Variants in MGMT observed in about 807,000 individuals in gnomAD.
MGMT encodes the protein O-6-methylguanine-DNA methyltransferase.
MGMT carries 14 observed loss-of-function variants against 15.9 expected under a neutral mutation model. That is an observed-to-expected ratio of 0.88 (90% CI 0.58 to 1.37). The LOEUF is 1.37. MGMT is among the 40% of genes most tolerant of loss of function. The pLI is 0.00. For missense variants in MGMT, 282 were observed against 268.1 expected (o/e 1.05, Z -0.36); for synonymous variants, 130 against 118.2 (o/e 1.10, Z -0.65).
intron 4 of MGMT, among the ~76,000 whole-genome samples, chr10:129,761,731 G>T (rs1355765190): frequency 2.6e-5 from 4 of 152,186 alleles, no homozygotes. Context: ...TCAGGCAGGA[G>T]GGTTCTACAG....
chr10:129,605,411 G>A (rs369043685), intron 2 of MGMT, among the ~76,000 whole-genome samples: 4 of 151,870 alleles, frequency 2.6e-5, no homozygotes, highest in Non-Finnish European at 5.9e-5. Flanking sequence ...GTTTTCATGG[G>A]CCCCTGTCCC....
At chr10:129,724,461 G>A (rs557961288) in intron 3 of MGMT, among the ~76,000 whole-genome samples, 3 of 152,180 alleles carry the variant, frequency 2.0e-5, no homozygotes, top group Non-Finnish European at 4.4e-5. Flanking sequence ...TATCTTAACA[G>A]GTTAGGTCAC....
intron 2 of MGMT, among the ~76,000 whole-genome samples, chr10:129,559,203 G>A (rs1186584990): frequency 6.6e-6 from 1 of 152,162 alleles, no homozygotes; most frequent in African/African-American, 2.4e-5. Flanking sequence ...ATAATGTGAT[G>A]TATGGAGTCA....
At chr10:129,524,465 C>T (rs1174766279) in intron 1 of MGMT, among the ~76,000 whole-genome samples, 1 of 151,710 alleles carries the variant, frequency 6.6e-6, no homozygotes, top group African/African-American at 2.4e-5. Context: ...ACATTGATGT[C>T]ATGGAATCTC....
chr10:129,530,246 C>T (rs568048886), intron 1 of MGMT, among the ~76,000 whole-genome samples: 12 of 152,218 alleles, frequency 7.9e-5, no homozygotes, highest in African/African-American at 2.6e-4. Context: ...GAAAAGTTGA[C>T]TCGTACTAAC....
rs148927678 is a variant in MGMT, at chr10:129,557,450, A to G, written c.125+21073A>G. ...TTAGGCTCTTTAACATACTTTAATC[A>G]TTGTGTTGCTGCATATATTTCTTCT... On this transcript the variant is annotated intron_variant, in intron 2 of 4. Transcript: ENST00000651593. Among the ~76,000 whole-genome samples the G allele has an allele frequency of 1.3e-3, 191 of 152,256 alleles. 1 individual carries two copies. Among genetic ancestry groups the G allele is most frequent in the Non-Finnish European group, 2.2e-3 (150 of 68,008 alleles).
At chr10:129,551,698 T>A (rs1371872058) in intron 2 of MGMT, among the ~76,000 whole-genome samples, 1 of 152,134 alleles carries the variant, frequency 6.6e-6, no homozygotes, top group African/African-American at 2.4e-5. Context: ...ACTCTCTTAT[T>A]TATTTATTTA....
intron 2 of MGMT, among the ~76,000 whole-genome samples, chr10:129,588,587 C>T (rs983887058): frequency 1.3e-5 from 2 of 152,180 alleles, no homozygotes; most frequent in African/African-American, 4.8e-5. Flanking sequence ...GTGGCCAAGA[C>T]CCACTGTGTA....
At chr10:129,685,193 A>T (rs569401534) in intron 2 of MGMT, among the ~76,000 whole-genome samples, 1 of 152,358 alleles carries the variant, frequency 6.6e-6, no homozygotes, top group African/African-American at 2.4e-5. Flanking sequence ...CATATGTGTC[A>T]AATGTATGAA....
chr10:129,567,593 GA>G (rs932432319), intron 2 of MGMT, among the ~76,000 whole-genome samples: 8 of 151,738 alleles, frequency 5.3e-5, no homozygotes, highest in African/African-American at 1.5e-4. Context: ...TATTCAAGGG[GA>G]AAAAAAACCT....
intron 2 of MGMT, among the ~76,000 whole-genome samples, chr10:129,587,895 A>G (rs1248109179): frequency 6.6e-6 from 1 of 151,810 alleles, no homozygotes; most frequent in Non-Finnish European, 1.5e-5. Flanking sequence ...CTTTTCTTGT[A>G]ATTTTTGAAT....
intron 1 of MGMT, among the ~76,000 whole-genome samples, chr10:129,529,434 A>G (rs1252685868): frequency 6.6e-6 from 1 of 152,084 alleles, no homozygotes; most frequent in Non-Finnish European, 1.5e-5. Context: ...TGCACAGTTC[A>G]CAATAGGCTT....
chr10:129,651,095 T>C (rs1277248634), intron 2 of MGMT, among the ~76,000 whole-genome samples: 1 of 152,204 alleles, frequency 6.6e-6, no homozygotes, highest in African/African-American at 2.4e-5. Flanking sequence ...TGCTCCCACA[T>C]GCTGTCTGAT....
At chr10:129,553,053 T>C (rs974847303) in intron 2 of MGMT, among the ~76,000 whole-genome samples, 11 of 152,218 alleles carry the variant, frequency 7.2e-5, no homozygotes, top group African/African-American at 2.4e-4. Context: ...TCCACCACGA[T>C]GTCTCCTCTT....
intron 3 of MGMT, among the ~76,000 whole-genome samples, chr10:129,716,493 A>G (rs887916103): frequency 6.6e-6 from 1 of 152,188 alleles, no homozygotes; most frequent in Admixed American, 6.5e-5. Context: ...CCGCCTGCCA[A>G]GCAACCTGAT....
intron 1 of MGMT, among the ~76,000 whole-genome samples, chr10:129,530,869 T>C (rs1225925799): frequency 6.6e-6 from 1 of 152,142 alleles, no homozygotes; most frequent in Non-Finnish European, 1.5e-5. Flanking sequence ...CCCCTCCCCA[T>C]AGTTCAGTTC....
Position 129,657,728 on chromosome 10 carries a change from C to CACACACACACACACACACA in MGMT, c.126-50167_126-50166insACACACACACACACACACA, listed in dbSNP as rs1554874807. 8.8e-5 allele frequency among the ~76,000 whole-genome samples: 12 copies of CACACACACACACACACACA among 136,166 alleles called. 2 individuals are homozygous for CACACACACACACACACACA. Among genetic ancestry groups the CACACACACACACACACACA allele is most frequent in the East Asian group, 4.1e-4 (2 of 4,834 alleles). The allele number at this position is 136,166 out of a possible 152,430, so 89.3% of individuals were successfully genotyped here. ...ACACGCACACACACACACACACACA[C>CACACACACACACACACACA]CCCCTCTCCCCCAAGGACCCACAAG... On this transcript the variant is annotated intron_variant, in intron 2 of 4. Coordinates refer to ENST00000651593, the MANE Select transcript of MGMT (RefSeq NM_002412.5).
At position 129,539,668 on chromosome 10, in the gene MGMT, G is replaced by A. The variant is rs112298016; in HGVS notation, c.125+3291G>A. Among the ~76,000 whole-genome samples, 9 of 152,146 alleles carry A rather than the reference G, an allele frequency of 5.9e-5. No homozygotes were observed. The South Asian group carries it at 8.3e-4, about 14-fold the overall frequency. ...ACTACAGGCGCCTGCTGCCACGCCCGGCTAAATTTTTGTATATTTAGTAGA... is the reference window on the plus strand; with the variant it reads ...ACTACAGGCGCCTGCTGCCACGCCCAGCTAAATTTTTGTATATTTAGTAGA... On this transcript the variant is annotated intron_variant, in intron 2 of 4. Coordinates refer to ENST00000651593, the MANE Select transcript of MGMT (RefSeq NM_002412.5).
chr10:129,609,965 G>A (rs1192416877), intron 2 of MGMT, among the ~76,000 whole-genome samples: 1 of 152,214 alleles, frequency 6.6e-6, no homozygotes, highest in Non-Finnish European at 1.5e-5. Flanking sequence ...CGTCTGTGCA[G>A]TTTGGATTTT....
Sources: allele counts gnomAD v4.1 joint callset (sites outside exome capture counted in the v4.1 genomes callset), GRCh38; gene constraint gnomAD v4.1.1; transcripts MANE v1.5; gene names NCBI Gene and HGNC (gene_info 2026-07-23, HGNC 2026-07-21).